Variants in HTR4 observed in about 807,000 individuals in gnomAD.
HTR4 encodes 5-hydroxytryptamine receptor 4.
HTR4 carries 16 observed loss-of-function variants against 36.8 expected under a neutral mutation model. That is an observed-to-expected ratio of 0.43 (90% CI 0.29 to 0.66). The LOEUF (loss-of-function observed/expected upper bound fraction) is 0.66. Among genes scored for constraint, HTR4 ranks in the 30% least tolerant of loss-of-function variants. HTR4 has a pLI of 0.13. For synonymous variants in HTR4, 189 were observed against 185.1 expected, an observed-to-expected ratio of 1.02 and a Z score of -0.17; for missense variants, 438 against 490.9, an observed-to-expected ratio of 0.89 and a Z score of 1.02.
At chr5:148,483,579 G>A (rs1275644431) in intron 6 of HTR4, among the ~76,000 whole-genome samples, 4 of 152,068 alleles carry the variant, frequency 2.6e-5, no homozygotes, top group African/African-American at 9.7e-5. Flanking sequence ...GCCCTCTACC[G>A]ATTATATCCT....
At chr5:148,608,890 T>C (rs143383195) in intron 2 of HTR4, among the ~76,000 whole-genome samples, 1 of 152,310 alleles carries the variant, frequency 6.6e-6, no homozygotes, top group African/African-American at 2.4e-5. Flanking sequence ...ATTATTTTAT[T>C]GGTTCTGAAG....
intron 5 of HTR4, among the ~76,000 whole-genome samples, chr5:148,452,246 G>A (rs1291629161): frequency 1.3e-5 from 2 of 152,118 alleles, no homozygotes; most frequent in African/African-American, 4.8e-5. Context: ...CATTTTACAT[G>A]TGAGCAAAAT....
chr5:148,479,850 A>G (rs535604212), downstream of HTR4, among the ~76,000 whole-genome samples: 84 of 152,346 alleles, frequency 5.5e-4, no homozygotes, highest in African/African-American at 1.9e-3. Flanking sequence ...TATAAACTGT[A>G]TAAGTGGCCC....
At chr5:148,470,446 T>G (rs925058575) in intron 5 of HTR4, among the ~76,000 whole-genome samples, 4 of 152,230 alleles carry the variant, frequency 2.6e-5, no homozygotes, top group Non-Finnish European at 5.9e-5. Flanking sequence ...TTGCCAACTT[T>G]TTTAGAGTTA....
intron 2 of HTR4, among the ~76,000 whole-genome samples, chr5:148,601,423 A>T (rs1346441466): frequency 2.0e-5 from 3 of 152,220 alleles, no homozygotes; most frequent in Non-Finnish European, 2.9e-5. Flanking sequence ...AATAGCCAAG[A>T]TGGAAAAAGC....
chr5:148,645,455 C>G (rs1172431106), intron 1 of HTR4: 1 of 152,094 alleles, frequency 6.6e-6, no homozygotes, highest in Non-Finnish European at 1.5e-5. Flanking sequence ...AAAATGTAAA[C>G]ATCTTTTTTT....
At chr5:148,462,145 T>C (rs1296422330) in intron 5 of HTR4, among the ~76,000 whole-genome samples, 1 of 151,858 alleles carries the variant, frequency 6.6e-6, no homozygotes, top group Non-Finnish European at 1.5e-5. Flanking sequence ...TCAAAGTAAG[T>C]AGAATGAAAT....
At chr5:148,466,667 C>A (rs1327775768) in intron 5 of HTR4, among the ~76,000 whole-genome samples, 1 of 152,206 alleles carries the variant, frequency 6.6e-6, no homozygotes, top group Non-Finnish European at 1.5e-5. Flanking sequence ...AGAGACATTA[C>A]CAGTACCCTC....
chr5:148,528,559 AATAAAGGG>A (rs796499889), intron 4 of HTR4, among the ~76,000 whole-genome samples: 61 of 152,310 alleles, frequency 4.0e-4, no homozygotes, highest in African/African-American at 1.4e-3. Flanking sequence ...AAAATCACTG[AATAAAGGG>A]ATTAATAAAA....
At chr5:148,554,027 C>A (rs532787753) in intron 2 of HTR4, among the ~76,000 whole-genome samples, 3 of 152,348 alleles carry the variant, frequency 2.0e-5, no homozygotes, top group Admixed American at 2.0e-4. Flanking sequence ...TATATACATA[C>A]TACAAAATTT....
intron 2 of HTR4, among the ~76,000 whole-genome samples, chr5:148,614,087 G>A (rs1387318539): frequency 2.0e-5 from 3 of 151,996 alleles, no homozygotes; most frequent in Admixed American, 6.6e-5. Flanking sequence ...AATCAATATC[G>A]TGAAAATGGC....
intron 2 of HTR4, among the ~76,000 whole-genome samples, chr5:148,606,644 GGAGA>G (rs1333817279): frequency 6.6e-6 from 1 of 152,150 alleles, no homozygotes; most frequent in Non-Finnish European, 1.5e-5. Flanking sequence ...TTTCTATGAA[GGAGA>G]GAGAATCATA....
intron 1 of HTR4, among the ~76,000 whole-genome samples, chr5:148,640,031 A>G (rs890429493): frequency 6.6e-6 from 1 of 152,116 alleles, no homozygotes; most frequent in Non-Finnish European, 1.5e-5. Context: ...CATCCTATAG[A>G]TGAAGAGACT....
chr5:148,571,212 C>A (rs986799535), intron 2 of HTR4, among the ~76,000 whole-genome samples: 2 of 152,104 alleles, frequency 1.3e-5, no homozygotes, highest in Non-Finnish European at 2.9e-5. Flanking sequence ...AAGAATCTTG[C>A]ATGGTAATTT....
chr5:148,623,790 G>A (rs967868692), intron 2 of HTR4, among the ~76,000 whole-genome samples: 1 of 152,132 alleles, frequency 6.6e-6, no homozygotes, highest in Non-Finnish European at 1.5e-5. Context: ...AGTCACCTCT[G>A]AGGATGGCAA....
chr5:148,460,547 C>T (rs1348251385), intron 5 of HTR4, among the ~76,000 whole-genome samples: 2 of 151,974 alleles, frequency 1.3e-5, no homozygotes, highest in African/African-American at 4.8e-5. Context: ...TGAAATTATC[C>T]TCCAAAAGTA....
chr5:148,572,229 G>A (rs1760705897), intron 2 of HTR4, among the ~76,000 whole-genome samples: 1 of 152,028 alleles, frequency 6.6e-6, no homozygotes, highest in African/African-American at 2.4e-5. Flanking sequence ...CTCATTATCT[G>A]AGTGCTACTA....
chr5:148,511,535 A>G (rs1449434796), intron 5 of HTR4, among the ~76,000 whole-genome samples: 1 of 152,084 alleles, frequency 6.6e-6, no homozygotes, highest in Non-Finnish European at 1.5e-5. Flanking sequence ...ACAATATTAC[A>G]TATTCCAATA....
chr5:148,525,270 CAG>C (rs1581424464), intron 4 of HTR4, among the ~76,000 whole-genome samples: 2 of 152,204 alleles, frequency 1.3e-5, no homozygotes, highest in East Asian at 3.9e-4. Flanking sequence ...TCATAATCAT[CAG>C]AGGTTTATTA....
Sources: gnomAD v4.1 joint callset for allele counts (sites outside exome capture counted in the v4.1 genomes callset) on GRCh38, gnomAD v4.1.1 for gene constraint, MANE v1.5 for transcripts, NCBI Gene and HGNC (gene_info 2026-07-23, HGNC 2026-07-21) for gene names.